Variants in FRMD5 observed in about 807,000 individuals in gnomAD.
The protein encoded by FRMD5 is FERM domain containing 5.
Under a neutral mutation model 69.0 loss-of-function variants are expected in FRMD5, and 20 were observed. The observed-to-expected ratio is 0.29, with a 90% CI of 0.20 to 0.42. FRMD5 has a LOEUF of 0.42. Among genes scored for constraint, FRMD5 ranks in the 10% least tolerant of loss-of-function variants. The probability of loss-of-function intolerance (pLI) is 1.00; values close to 1 mark genes in which losing one functional copy is unlikely to be tolerated. For synonymous variants in FRMD5, 271 were observed against 260.1 expected (o/e 1.04, Z -0.40); for missense variants, 595 against 708.6 (o/e 0.84, Z 1.82).
At chr15:44,009,166 A>T (rs908074156) in intron 1 of FRMD5, among the ~76,000 whole-genome samples, 4 of 152,252 alleles carry the variant, frequency 2.6e-5, no homozygotes, top group Non-Finnish European at 4.4e-5. Context: ...TAAAGAATGG[A>T]TGAACAAATC....
At chr15:44,091,295 G>A (rs181310349) in intron 1 of FRMD5, among the ~76,000 whole-genome samples, 17 of 152,176 alleles carry the variant, frequency 1.1e-4, no homozygotes, top group Admixed American at 7.9e-4. Flanking sequence ...CTTGGCATAT[G>A]TTTATGATAT....
intron 13 of FRMD5, among the ~76,000 whole-genome samples, chr15:43,878,680 G>T (rs146332079): frequency 2.5e-4 from 38 of 152,264 alleles, no homozygotes; most frequent in African/African-American, 8.7e-4. Context: ...CATTGCATAG[G>T]GCGCCTGCCA....
chr15:44,193,171 A>G (rs1244690561), intron 1 of FRMD5, among the ~76,000 whole-genome samples: 1 of 152,228 alleles, frequency 6.6e-6, no homozygotes, highest in Non-Finnish European at 1.5e-5. Context: ...AATCATTTCT[A>G]GCGAAATGGT....
chr15:43,917,891 T>C (rs1374549358), intron 4 of FRMD5: 3 of 152,302 alleles, frequency 2.0e-5, no homozygotes, highest in Non-Finnish European at 2.9e-5. Flanking sequence ...TGCTTCAAAG[T>C]AGGTGGGTAC....
At chr15:43,918,250 C>A (rs1436326670) in intron 4 of FRMD5, among the ~76,000 whole-genome samples, 1 of 152,038 alleles carries the variant, frequency 6.6e-6, no homozygotes, top group Non-Finnish European at 1.5e-5. Context: ...ATGGTGAAAC[C>A]CCGTCTCTAC....
intron 1 of FRMD5, among the ~76,000 whole-genome samples, chr15:43,944,092 G>A (rs1190388648): frequency 6.6e-6 from 1 of 152,318 alleles, no homozygotes; most frequent in Non-Finnish European, 1.5e-5. Context: ...GCTTATAACA[G>A]AATATCTGAA....
At chr15:44,030,204 T>A (rs539755467) in intron 1 of FRMD5, among the ~76,000 whole-genome samples, 22 of 152,216 alleles carry the variant, frequency 1.4e-4, no homozygotes, top group Non-Finnish European at 1.2e-4. Context: ...TTTTTTTTTT[T>A]TACAAAATTA....
chr15:44,000,918 A>C (rs1002080505), intron 1 of FRMD5, among the ~76,000 whole-genome samples: 1 of 152,106 alleles, frequency 6.6e-6, no homozygotes, highest in Non-Finnish European at 1.5e-5. Context: ...GGCTCAAGCA[A>C]TCCTCCCACC....
At chr15:44,198,660 T>C (rs1209475004), upstream of FRMD5, among the ~76,000 whole-genome samples, 2 of 152,200 alleles carry the variant, frequency 1.3e-5, no homozygotes. Flanking sequence ...ACTGCATCAC[T>C]GCACTCCAGC....
chr15:43,927,381 G>C (rs956356116), intron 1 of FRMD5, among the ~76,000 whole-genome samples: 2 of 152,070 alleles, frequency 1.3e-5, no homozygotes, highest in Non-Finnish European at 2.9e-5. Context: ...TCCCCTACAG[G>C]AAAGAGTGAC....
At chr15:44,099,122 T>A (rs763104979) in intron 1 of FRMD5, among the ~76,000 whole-genome samples, 1 of 152,176 alleles carries the variant, frequency 6.6e-6, no homozygotes, top group Non-Finnish European at 1.5e-5. Flanking sequence ...CTCCCTCACA[T>A]CAATATGTTG....
At chr15:44,057,262 C>T (rs1378537275) in intron 1 of FRMD5, among the ~76,000 whole-genome samples, 3 of 152,116 alleles carry the variant, frequency 2.0e-5, no homozygotes, top group African/African-American at 4.8e-5. Context: ...GTAGCCACCA[C>T]GCCTGGCTAA....
intron 1 of FRMD5, chr15:43,989,889 G>T: frequency 9.1e-7 from 1 of 1,103,656 alleles, no homozygotes; most frequent in Non-Finnish European, 1.4e-6. Flanking sequence ...GGTGCTCCTT[G>T]GCAGCCACAC....
rs755914658 is a variant in FRMD5, at chr15:44,194,996, G to A, written c.59C>T (p.Thr20Ile). 13 of 1,562,080 alleles carry A rather than the reference G, an allele frequency of 8.3e-6. No homozygotes were observed. The highest frequency in any genetic ancestry group is 1.1e-5 in the Non-Finnish European group (13 of 1,158,418). The change falls in exon 1 of 14, where the codon ACC becomes ATC. Residue 20 changes from threonine to isoleucine, a missense_variant. By Grantham distance (89) the Thr-to-Ile change is moderately conservative. This residue lies in a region of FRMD5 where 44 missense variants were observed against 33.6 expected (regional missense o/e 1.31). Transcript: ENST00000417257. ...SRSLEREYSC[T>I]VRLLDDSEYT... ...CTCGCTGTCGTCCAGCAGCCGCACG[G>A]TGCAGCTGTACTCGCGCTCCAGGCT...
At chr15:44,081,687 CAAA>C (rs1894002756) in intron 1 of FRMD5, among the ~76,000 whole-genome samples, 1 of 152,008 alleles carries the variant, frequency 6.6e-6, no homozygotes, top group Non-Finnish European at 1.5e-5. Flanking sequence ...ATATCCTCCT[CAAA>C]TAAAATTCTG....
rs530066552 is a variant in FRMD5, at chr15:44,006,179, A to T, written c.103-81870T>A. On this transcript the variant is annotated intron_variant, in intron 1 of 13. Transcript: ENST00000417257. ...CATTTACCATTCTAAAAATCCCAGG[A>T]TCTTTAAGAATTATGCTAAATATAT... Among the ~76,000 whole-genome samples the T allele has an allele frequency of 1.7e-3, 256 of 152,190 alleles. 1 individual carries two copies. Among genetic ancestry groups the T allele is most frequent in the Non-Finnish European group, 2.5e-3 (172 of 68,038 alleles).
intron 7 of FRMD5, among the ~76,000 whole-genome samples, chr15:43,893,427 G>T (rs1240033943): frequency 6.6e-6 from 1 of 152,136 alleles, no homozygotes; most frequent in Non-Finnish European, 1.5e-5. Flanking sequence ...TGTAGGTCTC[G>T]CTTCCTCACT....
Position 44,195,019 on chromosome 15 carries a change from G to A in FRMD5, c.36C>T (p.Ser12=). Reference sequence around the variant, plus strand: ...CGGTGCAGCTGTACTCGCGCTCCAGGCTCCTGCTGCTGCCGCTCATCAACC... The same window carrying A: ...CGGTGCAGCTGTACTCGCGCTCCAGACTCCTGCTGCTGCCGCTCATCAACC... The part of the protein sequence containing the change: ...LSRLMSGSSR[S]LEREYSCTVR... Residue 12 remains serine (S), a synonymous_variant, in exon 1 of 14, where the codon AGC becomes AGT. Coordinates refer to ENST00000417257, the MANE Select transcript of FRMD5 (RefSeq NM_032892.5). 1 of 1,556,852 alleles carries A rather than the reference G, an allele frequency of 6.4e-7. No homozygotes were observed. Among genetic ancestry groups the A allele is most frequent in the South Asian group, 1.2e-5 (1 of 85,338 alleles).
At chr15:44,016,402 A>G (rs1595627089) in intron 1 of FRMD5, among the ~76,000 whole-genome samples, 1 of 152,158 alleles carries the variant, frequency 6.6e-6, no homozygotes. Flanking sequence ...CAGCAATGGC[A>G]TTGTGGAAAC....
Sources: gnomAD v4.1 joint callset for allele counts (sites outside exome capture counted in the v4.1 genomes callset) on GRCh38, gnomAD v4.1.1 for gene constraint, gnomAD v4.1.1 regional missense constraint, MANE v1.5 for transcripts, NCBI Gene and HGNC (gene_info 2026-07-23, HGNC 2026-07-21) for gene names.